APC2: variants seen among roughly 807,000 people sequenced by gnomAD.
The protein encoded by APC2 is adenomatous polyposis coli protein 2.
A neutral mutation model predicts 72.5 loss-of-function variants in APC2; 41 were observed. The observed-to-expected ratio is 0.57, with a 90% CI of 0.44 to 0.73. APC2 has a LOEUF of 0.73. Ranked by LOEUF, APC2 falls within the 30% of genes least tolerant of loss-of-function variation. The probability of loss-of-function intolerance (pLI) is 0.00; values close to 1 mark genes in which losing one functional copy is unlikely to be tolerated. For synonymous variants in APC2, 1,898 were observed against 1,612.0 expected (o/e 1.18, Z -4.25); for missense variants, 3,729 against 3,403.4 (o/e 1.10, Z -2.38).
chr19:1,466,911 C>T lies in APC2; in HGVS notation c.3610C>T (p.Gln1204Ter). ...SPSELPDSPG[Q>*]TMPPSRSKTP... ...TAGCGAGCTGCCCGACAGCCCCGGA[C>T]AGACCATGCCTCCCAGCCGGAGCAA... Residue 1204 changes from glutamine to a stop codon, truncating the protein, a stop_gained, in exon 15 of 15, where the codon CAG (glutamine) becomes TAG (stop). Transcript: ENST00000590469. LOFTEE classifies it low-confidence loss of function (END_TRUNC). 1 of 1,587,646 alleles carries T rather than the reference C, an allele frequency of 6.3e-7. No homozygotes were observed. Among genetic ancestry groups the T allele is most frequent in the Non-Finnish European group, 8.6e-7 (1 of 1,167,716 alleles).
chr19:1,470,179 C>T lies in APC2; in HGVS notation c.6878C>T (p.Ala2293Val). 1 of 1,601,976 alleles carries T rather than the reference C, an allele frequency of 6.2e-7. No individual in the cohort carries two copies. ...ACCACCGACTCGGCCGCGGAGAAAGCCCCGGCCACTGCCTCCGCCACCCTC... is the reference window on the plus strand; with the variant it reads ...ACCACCGACTCGGCCGCGGAGAAAGTCCCGGCCACTGCCTCCGCCACCCTC... ...AATTDSAAEK[A>V]PATASATLLE The change falls in exon 15 of 15, where the codon GCC becomes GTC. Residue 2293 changes from alanine (A) to valine (V), a missense_variant. Coordinates refer to ENST00000590469, the MANE Select transcript of APC2 (RefSeq NM_005883.3).
intron 10 of APC2, among the ~76,000 whole-genome samples, chr19:1,459,558 A>G (rs1304008482): frequency 6.6e-6 from 1 of 152,160 alleles, no homozygotes; most frequent in Non-Finnish European, 1.5e-5. Flanking sequence ...TCCCTAACTC[A>G]CTTCCCCAAA....
At chr19:1,460,440 C>G in intron 11 of APC2, 120 bp downstream of exon 11, 2 of 1,462,700 alleles carry the variant, frequency 1.4e-6, no homozygotes, top group Non-Finnish European at 1.9e-6. Flanking sequence ...TTGTCCCCAA[C>G]TTACAGACGG....
chr19:1,462,105 T>C lies in APC2; in HGVS notation c.1781T>C (p.Leu594Pro). 1 of 1,612,924 alleles carries C rather than the reference T, an allele frequency of 6.2e-7. No individual in the cohort carries two copies. Among genetic ancestry groups the C allele is most frequent in the African/African-American group, 1.3e-5 (1 of 75,056 alleles). Reference protein sequence around the residue: ...TLTYKCQSNSLAIIESGGGIL... With the variant: ...TLTYKCQSNSPAIIESGGGIL... ...ACCTACAAGTGTCAGAGCAACTCGC[T>C]GGCCATCATCGAGAGCGGCGGCGGC... The change falls in exon 14 of 15, where the codon CTG becomes CCG. Residue 594 changes from leucine (L) to proline (P), a missense_variant. Physicochemically the swap from Leu to Pro is moderately conservative, Grantham distance 98 (BLOSUM62 -3). Transcript: ENST00000590469.
Position 1,462,182 on chromosome 19 carries a change from G to GCGGCGCCCCCC in APC2, c.1853+6_1853+7insGGCGCCCCCCC. 6.5e-7 allele frequency: 1 copy of GCGGCGCCCCCC among 1,535,436 alleles called. No individual in the cohort carries two copies. Among genetic ancestry groups the GCGGCGCCCCCC allele is most frequent in the Non-Finnish European group, 8.8e-7 (1 of 1,139,640 alleles). On this transcript the variant is annotated splice_donor_region_variant and intron_variant, in intron 14 of 14. Transcript: ENST00000590469. ...CGCCACCCGTGAGGACTACAGGTCGGCCCCCACCCCCCCACCCGCACACAG... is the reference window on the plus strand; with the variant it reads ...CGCCACCCGTGAGGACTACAGGTCGGCGGCGCCCCCCCCCCCACCCCCCCACCCGCACACAG...
At position 1,469,412 on chromosome 19, in the gene APC2, C is replaced by T. The variant is rs1405418055; in HGVS notation, c.6111C>T (p.Phe2037=). The T allele has an allele frequency of 2.5e-6, 3 of 1,196,390 alleles. No homozygotes were observed. In the Admixed American group the frequency reaches 1.4e-4, roughly 55 times the overall value. 74.1% of individuals were successfully genotyped at this position (1,196,390 alleles called of 1,614,324 possible). ...GCCGGCCCGCGCTGCCCGCCGTCTT[C>T]CTCTGCTCCTCGCGCTGCGAAGAGC... ...RRGRPALPAV[F]LCSSRCEELR... is the part of the protein sequence containing the mutation. Residue 2037 remains phenylalanine, a synonymous_variant, in exon 15 of 15, where the codon TTC becomes TTT. Transcript: ENST00000590469.
chr19:1,465,534 C>A lies in APC2; in HGVS notation c.2233C>A (p.Gln745Lys). ...LAQALEHLEKQGPPAAEAATK... is the reference protein window; with the variant it reads ...LAQALEHLEKKGPPAAEAATK... ...GCAGGCGCTGGAGCACCTGGAGAAGCAGGGCCCGCCGGCAGCCGAGGCCGC... is the reference window on the plus strand; with the variant it reads ...GCAGGCGCTGGAGCACCTGGAGAAGAAGGGCCCGCCGGCAGCCGAGGCCGC... Residue 745 changes from glutamine (Q) to lysine (K), a missense_variant, in exon 15 of 15, where the codon CAG becomes AAG. Coordinates refer to ENST00000590469, the MANE Select transcript of APC2 (RefSeq NM_005883.3). 3.3e-6 allele frequency: 5 copies of A among 1,528,544 alleles called. No homozygotes were observed. Among genetic ancestry groups the A allele is most frequent in the South Asian group, 1.2e-5 (1 of 82,324 alleles). The allele number at this position is 1,528,544 out of a possible 1,614,324, so 94.7% of individuals were successfully genotyped here.
rs146114138 is a variant in APC2, at chr19:1,458,043, G to A, written c.1286G>A (p.Arg429His). 176 of 1,564,182 alleles carry A rather than the reference G, an allele frequency of 1.1e-4. 1 individual carries two copies. In the African/African-American group the frequency reaches 1.1e-3, roughly 10 times the overall value. Residue 429 changes from arginine to histidine, a missense_variant, in exon 10 of 15, where the codon CGT becomes CAT. Transcript: ENST00000590469. ...MKLSFDEEYR[R>H]AMNELGGLQA... ...CTGTCCTTTGATGAGGAGTACCGCC[G>A]TGCCATGAACGAGCTAGGTGAGTGT...
rs780779777 is a variant in APC2 at position 1,467,215 on chromosome 19, GCGGGGGCGC to G, written c.3927_3935del (p.Gly1310_Gly1312del). 7.5e-4 allele frequency: 1,057 copies of G among 1,402,010 alleles called. No homozygotes were observed. The highest frequency in any genetic ancestry group is 8.2e-4 in the Non-Finnish European group (891 of 1,084,026). 86.8% of individuals were successfully genotyped at this position (1,402,010 alleles called of 1,614,324 possible). On this transcript the variant is annotated inframe_deletion, in exon 15 of 15. Coordinates refer to ENST00000590469, the MANE Select transcript of APC2 (RefSeq NM_005883.3). ...CTGCCCTCGGCCTGCCCCGAGCGCG[GCGGGGGCGC>G]CGGGGGCGCCGGCCTCCACTTTGCA...
intron 13 of APC2, 118 bp downstream of exon 13, chr19:1,461,271 G>A (rs560276955): frequency 2.3e-4 from 200 of 885,664 alleles, no homozygotes; most frequent in African/African-American, 2.0e-3. Context: ...ACTGCTTAGC[G>A]GGTGGTCCAG....
rs1177663752 is a variant in APC2, at chr19:1,456,887, C to T, written c.851C>T (p.Ala284Val). The T allele has an allele frequency of 1.3e-6, 2 of 1,592,026 alleles. No homozygotes were observed. The highest frequency in any genetic ancestry group is 1.7e-5 in the Admixed American group (1 of 58,750). Residue 284 changes from alanine to valine, a missense_variant, in exon 9 of 15, where the codon GCG (alanine) becomes GTG (valine). By Grantham distance (64) the Ala-to-Val change is moderately conservative. Transcript: ENST00000590469. The part of the protein sequence containing the change: ...EVVFWLLSML[A>V]TRDQEDTART... Reference sequence around the variant, plus strand: ...GTCTTCTGGCTGTTGTCCATGTTGGCGACGCGCGACCAGGAGGATACAGCG... The same window carrying T: ...GTCTTCTGGCTGTTGTCCATGTTGGTGACGCGCGACCAGGAGGATACAGCG...
In APC2 at chr19:1,469,444, CG is replaced by C; in HGVS notation, c.6145del (p.Ala2049HisfsTer286). On this transcript the variant is annotated frameshift_variant, in exon 15 of 15. Coordinates refer to ENST00000590469, the MANE Select transcript of APC2 (RefSeq NM_005883.3). LOFTEE classifies it low-confidence loss of function (END_TRUNC). Reference protein sequence around the residue: ...LCSSRCEELRAAPRQGPAPAR... With the variant: ...LCSSRCEELRXAPRQGPAPAR... Reference sequence around the variant, plus strand: ...TCCTCGCGCTGCGAAGAGCTCCGAGCGGCACCCCGGCAGGGCCCGGCCCCGG... The same window carrying C: ...TCCTCGCGCTGCGAAGAGCTCCGAGCGCACCCCGGCAGGGCCCGGCCCCGG... 1 of 1,158,266 alleles carries C rather than the reference CG, an allele frequency of 8.6e-7. No homozygotes were observed. Among genetic ancestry groups the C allele is most frequent in the Non-Finnish European group, 1.1e-6 (1 of 943,516 alleles). The allele number at this position is 1,158,266 out of a possible 1,614,324, so 71.7% of individuals were successfully genotyped here. A position where few individuals can be genotyped will look rare whatever the true frequency, so the allele number is the denominator to read the frequency against.
intron 9 of APC2, 62 bp from the exon 10 acceptor site, chr19:1,457,898 GACCTT>G (rs2083862856): frequency 1.3e-5 from 18 of 1,432,456 alleles, no homozygotes; most frequent in Middle Eastern, 2.4e-4. Context: ...CGGGTTGCGG[GACCTT>G]CGGGAGTCAC....
rs1347340403 is a variant in APC2, at chr19:1,456,778, A to G, written c.817-75A>G. ...TGCCCTTGGGGACGGGGCAGGGGTC[A>G]CAGGGCTCCGACCGGGTTTCCAGGT... is the stretch of plus-strand genomic sequence containing the variant. On this transcript the variant is annotated intron_variant, in intron 8 of 14. Coordinates refer to ENST00000590469, the MANE Select transcript of APC2 (RefSeq NM_005883.3). 5.9e-6 allele frequency: 9 copies of G among 1,515,348 alleles called. No homozygotes were observed. In the South Asian group the frequency reaches 8.5e-5, roughly 14 times the overall value. The allele number at this position is 1,515,348 out of a possible 1,614,324, so 93.9% of individuals were successfully genotyped here. A position where few individuals can be genotyped will look rare whatever the true frequency, so the allele number is the denominator to read the frequency against.
intron 13 of APC2, 91 bp from the exon 14 acceptor site, chr19:1,461,871 CA>C (rs756350011): frequency 2.7e-6 from 3 of 1,115,032 alleles, no homozygotes; most frequent in East Asian, 2.6e-5. Context: ...AAACAAAAAA[CA>C]AAAAAACCCA....
At chr19:1,455,534 C>T in intron 6 of APC2, 34 bp downstream of exon 6, 4 of 1,567,000 alleles carry the variant, frequency 2.6e-6, no homozygotes, top group Non-Finnish European at 3.5e-6. Flanking sequence ...CGGCGGTAGG[C>T]GGGGCCCTGC....
chr19:1,470,553 C>CTCCGGG lies in APC2; in HGVS notation c.*349_*354dup, dbSNP rs1209607649. On this transcript the variant is annotated 3_prime_UTR_variant, in exon 15 of 15. Coordinates refer to ENST00000590469, the MANE Select transcript of APC2 (RefSeq NM_005883.3). ...GACCCCGGGCGAGGGAGGCGGTAGC[C>CTCCGGG]TCCGGGTCCGGGTCTGGGTCTGGGT... is the stretch of plus-strand genomic sequence containing the variant. The CTCCGGG allele has an allele frequency of 4.1e-6, 1 of 241,862 alleles. No homozygotes were observed. Among genetic ancestry groups the CTCCGGG allele is most frequent in the Admixed American group, 5.5e-5 (1 of 18,110 alleles). The allele number at this position is 241,862 out of a possible 1,614,324, so 15.0% of individuals were successfully genotyped here. A position where few individuals can be genotyped will look rare whatever the true frequency, so the allele number is the denominator to read the frequency against.
rs760110907 is a variant in APC2 at position 1,453,149 on chromosome 19, G to A, written c.141+7G>A. On this transcript the variant is annotated splice_region_variant and intron_variant, in intron 2 of 14. Coordinates refer to ENST00000590469, the MANE Select transcript of APC2 (RefSeq NM_005883.3). ...AGAGACGTCGGGCATGAAGGTGGGG[G>A]CCTACATGGAGGAGGTGGGCTAGGG... 3.8e-6 allele frequency: 6 copies of A among 1,596,806 alleles called. No homozygotes were observed. The highest frequency in any genetic ancestry group is 4.5e-5 in the East Asian group (2 of 44,084).
Position 1,467,305 on chromosome 19 carries a change from CCG to C in APC2, c.4007_4008del (p.Ala1336GlyfsTer55). 7.5e-7 allele frequency: 1 copy of C among 1,329,540 alleles called. No homozygotes were observed. The highest frequency in any genetic ancestry group is 9.6e-7 in the Non-Finnish European group (1 of 1,043,560). 82.4% of individuals were successfully genotyped at this position (1,329,540 alleles called of 1,614,324 possible). On this transcript the variant is annotated frameshift_variant, in exon 15 of 15. Coordinates refer to ENST00000590469, the MANE Select transcript of APC2 (RefSeq NM_005883.3). LOFTEE classifies it low-confidence loss of function (END_TRUNC). ...CCCACGGGTTCTCGCCCTCGCGGCGCCGCGGACCAGGAGCTGGAACTGCTGCG... is the reference window on the plus strand; with the variant it reads ...CCCACGGGTTCTCGCCCTCGCGGCGCCGGACCAGGAGCTGGAACTGCTGCG...
Sources: allele counts gnomAD v4.1 joint callset (sites outside exome capture counted in the v4.1 genomes callset), GRCh38; gene constraint gnomAD v4.1.1; transcripts MANE v1.5; gene names NCBI Gene and HGNC (gene_info 2026-07-23, HGNC 2026-07-21).